SLC26A3: variants seen among roughly 807,000 people sequenced by gnomAD.
SLC26A3 encodes the protein solute carrier family 26 member 3.
SLC26A3 carries 64 observed loss-of-function variants against 85.6 expected under a neutral mutation model. That is an observed-to-expected ratio of 0.75 (90% CI 0.61 to 0.92). SLC26A3 has a LOEUF of 0.92. SLC26A3 is among the 40% of genes least tolerant of loss of function. The pLI, the probability that SLC26A3 is intolerant of heterozygous loss-of-function variation, is 0.00. For synonymous variants in SLC26A3, 349 were observed against 336.0 expected, an observed-to-expected ratio of 1.04 and a Z score of -0.42; for missense variants, 922 against 927.3, an observed-to-expected ratio of 0.99 and a Z score of 0.07.
At chr7:107,799,376 TTTC>T (rs1794564119) in intron 1 of SLC26A3, among the ~76,000 whole-genome samples, 1 of 151,928 alleles carries the variant, frequency 6.6e-6, no homozygotes, top group Non-Finnish European at 1.5e-5. Flanking sequence ...AGCCATCAAT[TTTC>T]TTTTCTTTTC....
At chr7:107,796,539 G>A (rs566283367) in intron 1 of SLC26A3, among the ~76,000 whole-genome samples, 42 of 152,240 alleles carry the variant, frequency 2.8e-4, no homozygotes, top group African/African-American at 9.9e-4. Context: ...CCACTAACTA[G>A]ACAGTACTTC....
At chr7:107,770,010 CTTTCTTTCTTTCTTTCTTTCTT>C (rs1562874086) in intron 18 of SLC26A3, among the ~76,000 whole-genome samples, 5 of 36,762 alleles carry the variant, frequency 1.4e-4, no homozygotes, top group Admixed American at 2.3e-4. Context: ...CTCTTTCTTT[CTTTCTTTCTTTCTTTCTTTCTT>C]TCTTTCTTTC....
intron 18 of SLC26A3, among the ~76,000 whole-genome samples, chr7:107,771,012 G>A (rs1287847082): frequency 6.6e-6 from 1 of 152,144 alleles, no homozygotes; most frequent in East Asian, 1.9e-4. Context: ...GGATGGGCAA[G>A]GATATTAGTT....
chr7:107,802,742 C>CTTTTTTTTT (rs35087147), intron 1 of SLC26A3, among the ~76,000 whole-genome samples: 12 of 110,766 alleles, frequency 1.1e-4, no homozygotes, highest in African/African-American at 3.2e-4. Context: ...TTAAAGCTTG[C>CTTTTTTTTT]TTTTTTTTTT....
chr7:107,801,960 A>T (rs964037250), intron 1 of SLC26A3, among the ~76,000 whole-genome samples: 11 of 150,404 alleles, frequency 7.3e-5, no homozygotes, highest in African/African-American at 2.7e-4. Context: ...GGCACAGTGG[A>T]GCGTGCCTGT....
chr7:107,765,954 A>G, intron 20 of SLC26A3, 76 bp from the exon 21 acceptor site: 1 of 1,277,286 alleles, frequency 7.8e-7, no homozygotes. Context: ...TAGGAGCTAG[A>G]ATTTACCAGA....
chr7:107,772,197 G>T, intron 17 of SLC26A3, 89 bp from the exon 18 acceptor site: 1 of 768,152 alleles, frequency 1.3e-6, no homozygotes, highest in Non-Finnish European at 2.3e-6. Context: ...CCTTACGGGT[G>T]ATATATTCCT....
chr7:107,792,691 C>T (rs1487518920), intron 3 of SLC26A3, among the ~76,000 whole-genome samples: 1 of 152,152 alleles, frequency 6.6e-6, no homozygotes, highest in African/African-American at 2.4e-5. Context: ...GTCTGTGGCC[C>T]AGGGACTGGG....
intron 8 of SLC26A3, 148 bp downstream of exon 8, chr7:107,786,679 T>C: frequency 3.9e-6 from 3 of 767,764 alleles, no homozygotes; most frequent in South Asian, 2.8e-5. Context: ...AGGAAAGCAG[T>C]GAGCCTTCCT....
chr7:107,778,114 T>A (rs1438542428), intron 13 of SLC26A3, 61 bp downstream of exon 13: 1 of 1,125,290 alleles, frequency 8.9e-7, no homozygotes, highest in Non-Finnish European at 1.3e-6. Flanking sequence ...GACATTTTTT[T>A]TCCTCTTCTG....
chr7:107,771,245 G>A (rs151221943), intron 18 of SLC26A3, among the ~76,000 whole-genome samples: 15 of 152,208 alleles, frequency 9.9e-5, no homozygotes, highest in African/African-American at 3.6e-4. Context: ...TTTTTGGGAG[G>A]GGGAATCATA....
At position 107,770,078 on chromosome 7, in the gene SLC26A3, TTTTC is replaced by T. The variant is rs368905257; in HGVS notation, c.2062+1972_2062+1975del. Among the ~76,000 whole-genome samples, 343 of 146,596 alleles carry T rather than the reference TTTTC, an allele frequency of 2.3e-3. 2 individuals carry two copies. The highest frequency in any genetic ancestry group is 0.014 in the South Asian group (66 of 4,604). The stretch of plus-strand genomic sequence containing the variant: ...TTTTCTTTCTTTTTCTTTCTCTCTT[TTTTC>T]TTTCTTTCTTTCTTATTTCGTCTTT... On this transcript the variant is annotated intron_variant, in intron 18 of 20. Transcript: ENST00000340010.
intron 8 of SLC26A3, among the ~76,000 whole-genome samples, chr7:107,786,151 G>A (rs1794290407): frequency 6.6e-6 from 1 of 152,182 alleles, no homozygotes; most frequent in East Asian, 1.9e-4. Flanking sequence ...CACGTGGAGT[G>A]CCTGTGTTCC....
chr7:107,774,674 C>T, intron 16 of SLC26A3, 103 bp downstream of exon 16: 1 of 882,436 alleles, frequency 1.1e-6, no homozygotes, highest in Non-Finnish European at 1.9e-6. Context: ...CATGAAATCC[C>T]TTGTTTATCT....
At chr7:107,771,677 C>A (rs904618468) in intron 18 of SLC26A3, among the ~76,000 whole-genome samples, 1 of 152,132 alleles carries the variant, frequency 6.6e-6, no homozygotes, top group East Asian at 1.9e-4. Context: ...TCGCTGATAA[C>A]CTTGGCAAGG....
At chr7:107,782,713 G>A (rs1330823594) in intron 11 of SLC26A3, 84 bp downstream of exon 11, 3 of 1,254,334 alleles carry the variant, frequency 2.4e-6, no homozygotes, top group Non-Finnish European at 3.5e-6. Context: ...ATTTCCCCTA[G>A]TTTAGTTTGT....
intron 8 of SLC26A3, among the ~76,000 whole-genome samples, chr7:107,786,613 GAAAA>G (rs200098446): frequency 7.6e-6 from 1 of 132,442 alleles, no homozygotes; most frequent in Non-Finnish European, 1.6e-5. Flanking sequence ...GTGGGGAGGC[GAAAA>G]AAAAAAAAAA....
At chr7:107,766,009 C>T (rs755479652) in intron 20 of SLC26A3, 131 bp from the exon 21 acceptor site, 31 of 723,130 alleles carry the variant, frequency 4.3e-5, no homozygotes, top group East Asian at 2.5e-4. Context: ...GATCAAGTAC[C>T]TTCCATCACT....
intron 1 of SLC26A3, among the ~76,000 whole-genome samples, chr7:107,798,664 G>C (rs4730265): frequency 0.38 from 57,279 of 151,952 alleles, 11,132 homozygotes; most frequent in South Asian, 0.39. Flanking sequence ...AGTCACATTA[G>C]ATGCCTCCAC....
Sources: allele counts gnomAD v4.1 joint callset (sites outside exome capture counted in the v4.1 genomes callset), GRCh38; gene constraint gnomAD v4.1.1; transcripts MANE v1.5; gene names NCBI Gene and HGNC (gene_info 2026-07-23, HGNC 2026-07-21).